Variants in DPP6 observed in about 807,000 individuals in gnomAD.
DPP6 encodes dipeptidyl peptidase like 6.
Under a neutral mutation model 122.6 loss-of-function variants are expected in DPP6, and 69 were observed. That is an observed-to-expected ratio of 0.56 (90% CI 0.46 to 0.69). DPP6 has a LOEUF of 0.69. Among genes scored for constraint, DPP6 ranks in the 30% least tolerant of loss-of-function variants. The probability of loss-of-function intolerance (pLI) is 0.00; values close to 1 mark genes in which losing one functional copy is unlikely to be tolerated. For synonymous variants in DPP6, 418 were observed against 433.1 expected (o/e 0.97, Z 0.43); for missense variants, 928 against 1,116.9 (o/e 0.83, Z 2.41).
chr7:154,884,268 A>T (rs1402446652), intron 21 of DPP6: 2 of 149,534 alleles, frequency 1.3e-5, no homozygotes, highest in Non-Finnish European at 3.0e-5. Context: ...ACATGCTCAC[A>T]CATACACATA....
At chr7:153,829,902 G>A in the DPP6 span, among the ~76,000 whole-genome samples, 10 of 152,284 alleles carry the variant, frequency 6.6e-5, no homozygotes, top group South Asian at 2.1e-4. Flanking sequence ...CAAGGAGCTC[G>A]TGCCCCTCAT....
In DPP6 at chr7:154,559,996, T is replaced by G. The variant is rs182018666; in HGVS notation, c.553-6846T>G. On this transcript the variant is annotated intron_variant, in intron 4 of 25. Coordinates refer to ENST00000377770, the MANE Select transcript of DPP6 (RefSeq NM_130797.4). ...ATATAGACATATATAAACATATATA[T>G]ATAAAGATATATATTTTCAGAGAAA... Among the ~76,000 whole-genome samples, 18 of 148,584 alleles carry G rather than the reference T, an allele frequency of 1.2e-4. No homozygotes were observed. In the East Asian group the frequency reaches 3.5e-3, roughly 29 times the overall value.
At chr7:154,037,249 G>T (rs1799581315) in intron 1 of DPP6, among the ~76,000 whole-genome samples, 3 of 152,186 alleles carry the variant, frequency 2.0e-5, no homozygotes, top group African/African-American at 2.4e-5. Flanking sequence ...TGGGAGAAAA[G>T]AGTTCAGTTG....
At chr7:154,687,531 T>C (rs925100458) in intron 7 of DPP6, among the ~76,000 whole-genome samples, 2 of 152,202 alleles carry the variant, frequency 1.3e-5, no homozygotes, top group African/African-American at 4.8e-5. Flanking sequence ...TTTAACCTAT[T>C]TTTCCTTCGG....
intron 1 of DPP6, among the ~76,000 whole-genome samples, chr7:154,388,907 CT>C (rs1268272358): frequency 2.0e-5 from 3 of 152,174 alleles, no homozygotes; most frequent in Non-Finnish European, 4.4e-5. Context: ...AGATGTATGT[CT>C]TATTTCCCAG....
chr7:154,786,545 A>G (rs1797350058), intron 10 of DPP6, among the ~76,000 whole-genome samples: 1 of 152,120 alleles, frequency 6.6e-6, no homozygotes, highest in Non-Finnish European at 1.5e-5. Flanking sequence ...TTTGCTGGGC[A>G]CTTCTCCTTG....
intron 1 of DPP6, among the ~76,000 whole-genome samples, chr7:154,231,172 G>C (rs979096429): frequency 3.9e-5 from 6 of 152,154 alleles, no homozygotes; most frequent in Admixed American, 3.3e-4. Flanking sequence ...TCAAGATCTT[G>C]GGATCACAGG....
intron 1 of DPP6, among the ~76,000 whole-genome samples, chr7:153,969,603 T>C (rs1795929249): frequency 6.7e-6 from 1 of 148,246 alleles, no homozygotes; most frequent in Non-Finnish European, 1.5e-5. Flanking sequence ...CTGAGATTGT[T>C]TTCCTTCATT....
intron 7 of DPP6, among the ~76,000 whole-genome samples, chr7:154,673,121 C>A (rs1838672601): frequency 6.6e-6 from 1 of 152,162 alleles, no homozygotes. Flanking sequence ...GCCTTGCAAG[C>A]CCTAACCTAT....
intron 1 of DPP6, among the ~76,000 whole-genome samples, chr7:154,310,391 A>G (rs1203937238): frequency 1.3e-5 from 2 of 152,234 alleles, no homozygotes; most frequent in African/African-American, 4.8e-5. Flanking sequence ...CTTACTAAAA[A>G]GTGCAAATCA....
intron 8 of DPP6, among the ~76,000 whole-genome samples, chr7:154,753,083 GAC>G (rs1843477394): frequency 6.6e-6 from 1 of 152,096 alleles, no homozygotes; most frequent in Non-Finnish European, 1.5e-5. Flanking sequence ...GTGGCCACTG[GAC>G]ACAGTCTAAT....
At chr7:154,799,954 C>A (rs1798259322) in intron 12 of DPP6, among the ~76,000 whole-genome samples, 2 of 152,196 alleles carry the variant, frequency 1.3e-5, no homozygotes, top group Admixed American at 6.5e-5. Flanking sequence ...GATGACATCA[C>A]AACGGTGGAG....
chr7:154,051,487 G>A (rs368510189), upstream of DPP6, among the ~76,000 whole-genome samples: 121 of 150,140 alleles, frequency 8.1e-4, no homozygotes, highest in African/African-American at 2.0e-3. Flanking sequence ...CTGGAGCGGA[G>A]GAGCGGAGCC....
Position 154,821,268 on chromosome 7 carries a change from T to C in DPP6, c.1666+14156T>C, listed in dbSNP as rs950073537. Among the ~76,000 whole-genome samples the C allele has an allele frequency of 3.9e-5, 6 of 152,312 alleles. No homozygotes were observed. Among genetic ancestry groups the C allele is most frequent in the Non-Finnish European group, 7.4e-5 (5 of 68,026 alleles). ...CACACATTTTTAATCTTTTTCCTGA[T>C]GTCTTTTCTTTTTTCTTTTTACATT... On this transcript the variant is annotated intron_variant, in intron 16 of 25. Transcript: ENST00000377770. This position sits in a 1 kb window ranked among gnomAD's most constrained non-coding sequence, Gnocchi z 4.2.
intron 1 of DPP6, among the ~76,000 whole-genome samples, chr7:154,196,778 C>T (rs6946158): frequency 0.053 from 8,016 of 152,178 alleles, 660 homozygotes; most frequent in African/African-American, 0.18. Flanking sequence ...CTTTCAGGAC[C>T]GAGGCCAAGC....
At chr7:154,632,668 G>C (rs977161556) in intron 5 of DPP6, among the ~76,000 whole-genome samples, 1 of 152,100 alleles carries the variant, frequency 6.6e-6, no homozygotes, top group Non-Finnish European at 1.5e-5. Context: ...CTGATATTTA[G>C]GTAATTTAGG....
chr7:153,761,725 C>T, the DPP6 span, among the ~76,000 whole-genome samples: 5 of 152,174 alleles, frequency 3.3e-5, no homozygotes, highest in Admixed American at 1.3e-4. Flanking sequence ...CAGCAAGCAT[C>T]GATCCATGCT....
At chr7:154,131,698 G>A (rs1324576217) in intron 1 of DPP6, among the ~76,000 whole-genome samples, 1 of 152,290 alleles carries the variant, frequency 6.6e-6, no homozygotes, top group African/African-American at 2.4e-5. Context: ...CGTCTGTAGG[G>A]ATAGACTAGG....
Position 153,941,679 on chromosome 7 carries a change from C to T in DPP6, c.51+53945C>T, listed in dbSNP as rs538196035. On this transcript the variant is annotated intron_variant, in intron 1 of 25. Transcript: ENST00000404039. Reference sequence around the variant, plus strand: ...TGCAGCTCTGAGTCTTTTTCAGAAACGGGAATTCAAAGGATAAGGTTTTAA... The same window carrying T: ...TGCAGCTCTGAGTCTTTTTCAGAAATGGGAATTCAAAGGATAAGGTTTTAA... Among the ~76,000 whole-genome samples the T allele has an allele frequency of 8.5e-5, 13 of 152,302 alleles. 1 individual carries two copies. The highest frequency in any genetic ancestry group is 1.9e-4 in the East Asian group (1 of 5,180).
Sources: allele counts gnomAD v4.1 joint callset (sites outside exome capture counted in the v4.1 genomes callset), GRCh38; gene constraint gnomAD v4.1.1; non-coding constraint Gnocchi (gnomAD v3.1); transcripts MANE v1.5; gene names NCBI Gene and HGNC (gene_info 2026-07-23, HGNC 2026-07-21).